C2CD2: variants seen among roughly 807,000 people sequenced by gnomAD.
C2CD2 encodes the protein C2 domain-containing protein 2.
A neutral mutation model predicts 74.3 loss-of-function variants in C2CD2; 43 were observed. That is an observed-to-expected ratio of 0.58 (90% CI 0.45 to 0.75). The LOEUF is 0.75. Among genes scored for constraint, C2CD2 ranks in the 30% least tolerant of loss-of-function variants. The probability of loss-of-function intolerance (pLI) is 0.00; values close to 1 mark genes in which losing one functional copy is unlikely to be tolerated. For synonymous variants in C2CD2, 422 were observed against 390.7 expected (o/e 1.08, Z -0.94); for missense variants, 801 against 916.3 (o/e 0.87, Z 1.63).
chr21:41,911,108 CT>C (rs1569065737), intron 7 of C2CD2, among the ~76,000 whole-genome samples: 2 of 152,022 alleles, frequency 1.3e-5, no homozygotes, highest in Non-Finnish European at 2.9e-5. Context: ...AAATTTTGCT[CT>C]AATTAAGTTT....
At chr21:41,908,241 A>AG (rs1466628336) in intron 8 of C2CD2, 20 of 61,508 alleles carry the variant, frequency 3.3e-4, no homozygotes, top group African/African-American at 2.1e-3. Context: ...TTTACCCTCA[A>AG]GTTGTGTGTG....
chr21:41,936,574 G>A (rs35013385), intron 2 of C2CD2, among the ~76,000 whole-genome samples: 33,745 of 152,010 alleles, frequency 0.22, 4,856 homozygotes, highest in Non-Finnish European at 0.32. Context: ...ATATGATCCA[G>A]CAGTCCCACT....
chr21:41,898,998 T>A, intron 13 of C2CD2, 55 bp downstream of exon 13: 1 of 1,355,234 alleles, frequency 7.4e-7, no homozygotes. Flanking sequence ...GAAGCCAGCA[T>A]GAGCGCAAAG....
At position 41,888,572 on chromosome 21, in the gene C2CD2, T is replaced by C. The variant is rs552135361; in HGVS notation, c.*552A>G. ...GTAGCGTCTCCATTCTTATCAAAAT[T>C]TCTCTATTAATCCAAAATCCTGCCT... is the stretch of plus-strand genomic sequence containing the variant. On this transcript the variant is annotated 3_prime_UTR_variant, in exon 14 of 14. Transcript: ENST00000380486. The C allele has an allele frequency of 1.3e-4, 20 of 158,748 alleles. No homozygotes were observed. The East Asian group carries it at 3.5e-3, about 28-fold the overall frequency. The allele number at this position is 158,748 out of a possible 1,614,324, so 9.8% of individuals were successfully genotyped here.
In C2CD2 at chr21:41,926,092, TCCTCAGAGGACAGGAGTGAACC is replaced by T. The variant is rs1313668081; in HGVS notation, c.379-4029_379-4008del. 1.3e-5 allele frequency among the ~76,000 whole-genome samples: 2 copies of T among 152,160 alleles called. No individual in the cohort carries two copies. Among genetic ancestry groups the T allele is most frequent in the African/African-American group, 4.8e-5 (2 of 41,438 alleles). ...GGCATAGGCGGCAGTGACAGTGAAC[TCCTCAGAGGACAGGAGTGAACC>T]CCCAGCCCCAGGGAAGAACTCCACA... On this transcript the variant is annotated intron_variant, in intron 2 of 13. Transcript: ENST00000380486. The surrounding 1 kb of genome is among the most constrained non-coding windows in gnomAD (Gnocchi z 8.0).
Position 41,924,111 on chromosome 21 carries a change from T to TA in C2CD2, c.379-2027dup, listed in dbSNP as rs2065183895. Among the ~76,000 whole-genome samples, 1 of 152,250 alleles carries TA rather than the reference T, an allele frequency of 6.6e-6. No individual in the cohort carries two copies. The highest frequency in any genetic ancestry group is 2.4e-5 in the African/African-American group (1 of 41,472). ...AAATTCTTTAATTCTCTGGTGGATT[T>TA]ATCAGAATCTAAAATACCAAATGGA... On this transcript the variant is annotated intron_variant, in intron 2 of 13. Coordinates refer to ENST00000380486, the MANE Select transcript of C2CD2 (RefSeq NM_015500.2). The surrounding 1 kb of genome is among the most constrained non-coding windows in gnomAD (Gnocchi z 4.4).
At chr21:41,920,751 A>G (rs2065146641) in intron 3 of C2CD2, among the ~76,000 whole-genome samples, 1 of 152,206 alleles carries the variant, frequency 6.6e-6, no homozygotes, top group Non-Finnish European at 1.5e-5. Context: ...TCAAAGATAC[A>G]ATTGTGTTCC....
chr21:41,907,122 A>AG lies in C2CD2; in HGVS notation c.1187dup (p.Pro397SerfsTer44). 1 of 1,613,278 alleles carries AG rather than the reference A, an allele frequency of 6.2e-7. No individual in the cohort carries two copies. The highest frequency in any genetic ancestry group is 8.5e-7 in the Non-Finnish European group (1 of 1,179,262). On this transcript the variant is annotated frameshift_variant, in exon 10 of 14. Coordinates refer to ENST00000380486, the MANE Select transcript of C2CD2 (RefSeq NM_015500.2). LOFTEE classifies it high-confidence loss of function. ...CTATTTTTGCAGCAGGAACAGGGGG[A>AG]GGGATGGGCCAGGATTTCAATTCAC...
chr21:41,892,237 C>T lies in C2CD2; in HGVS notation c.1871-2893G>A, dbSNP rs944063378. On this transcript the variant is annotated intron_variant, in intron 13 of 13. Coordinates refer to ENST00000380486, the MANE Select transcript of C2CD2 (RefSeq NM_015500.2). The surrounding 1 kb of genome is among the most constrained non-coding windows in gnomAD (Gnocchi z 4.6). ...GATGAAGGCAGAGCACAGGGTGATG[C>T]TTCTACAAGCCAAGGAACACCAAAG... Among the ~76,000 whole-genome samples the T allele has an allele frequency of 6.6e-6, 1 of 152,120 alleles. No homozygotes were observed. The highest frequency in any genetic ancestry group is 1.5e-5 in the Non-Finnish European group (1 of 68,018).
intron 3 of C2CD2, among the ~76,000 whole-genome samples, chr21:41,919,766 G>T (rs1408130346): frequency 6.6e-6 from 1 of 152,182 alleles, no homozygotes. Context: ...GTCCATTTGG[G>T]AGACAGAACA....
At chr21:41,905,940 C>T in intron 10 of C2CD2, 103 bp from the exon 11 acceptor site, 1 of 741,428 alleles carries the variant, frequency 1.3e-6, no homozygotes, top group Non-Finnish European at 2.4e-6. Context: ...CTGGTGTGTG[C>T]AGTTGGTAAA....
Position 41,953,791 on chromosome 21 carries a change from G to T in C2CD2, c.-143C>A. On this transcript the variant is annotated 5_prime_UTR_variant, in exon 1 of 14. Transcript: ENST00000380486. Reference sequence around the variant, plus strand: ...GGGGTCGGAGCCCGGCGAGGAGCGTGGCCGGGGGCCTCTGGGCGGGCAAGC... The same window carrying T: ...GGGGTCGGAGCCCGGCGAGGAGCGTTGCCGGGGGCCTCTGGGCGGGCAAGC... 1.4e-6 allele frequency: 1 copy of T among 720,228 alleles called. No homozygotes were observed. Among genetic ancestry groups the T allele is most frequent in the Non-Finnish European group, 1.9e-6 (1 of 532,402 alleles). The allele number at this position is 720,228 out of a possible 1,614,324, so 44.6% of individuals were successfully genotyped here.
In C2CD2 at chr21:41,903,278, C is replaced by G. The variant is rs1002447447; in HGVS notation, c.1433-1529G>C. On this transcript the variant is annotated intron_variant, in intron 11 of 13. Coordinates refer to ENST00000380486, the MANE Select transcript of C2CD2 (RefSeq NM_015500.2). This position sits in a 1 kb window ranked among gnomAD's most constrained non-coding sequence, Gnocchi z 4.5. Reference sequence around the variant, plus strand: ...TTCTGTGAGCCATTATAGCAAATTACGGAACCCGAGGAGTGTGTCATGGAA... The same window carrying G: ...TTCTGTGAGCCATTATAGCAAATTAGGGAACCCGAGGAGTGTGTCATGGAA... Among the ~76,000 whole-genome samples, 2 of 152,100 alleles carry G rather than the reference C, an allele frequency of 1.3e-5. No individual in the cohort carries two copies. The highest frequency in any genetic ancestry group is 6.5e-5 in the Admixed American group (1 of 15,272).
intron 3 of C2CD2, among the ~76,000 whole-genome samples, chr21:41,920,909 A>G (rs944122929): frequency 6.6e-5 from 10 of 152,216 alleles, no homozygotes; most frequent in African/African-American, 2.4e-4. Context: ...TATGACCCAG[A>G]CTTTGCAGGT....
intron 8 of C2CD2, chr21:41,908,262 T>TGTGTGTGTGTGTGTGTGTGG: frequency 5.5e-6 from 1 of 180,404 alleles, no homozygotes; most frequent in Non-Finnish European, 1.1e-5. Context: ...TGTGTGTGTG[T>TGTGTGTGTGTGTGTGTGTGG]AAAAGAAAAT....
chr21:41,923,669 A>C lies in C2CD2; in HGVS notation c.379-1584T>G, dbSNP rs1312785881. ...AGAGAAAGATAATAACCTCAGGAAT[A>C]AACCAAACTGTGGTTTCCTGACATA... On this transcript the variant is annotated intron_variant, in intron 2 of 13. Transcript: ENST00000380486. This position sits in a 1 kb window ranked among gnomAD's most constrained non-coding sequence, Gnocchi z 5.8. 6.6e-6 allele frequency among the ~76,000 whole-genome samples: 1 copy of C among 152,230 alleles called. No individual in the cohort carries two copies. The highest frequency in any genetic ancestry group is 6.5e-5 in the Admixed American group (1 of 15,290).
chr21:41,922,021 C>A lies in C2CD2; in HGVS notation c.443G>T (p.Gly148Val). Residue 148 changes from glycine (G) to valine (V), a missense_variant, in exon 3 of 14, where the codon GGT (glycine) becomes GTT (valine). Physicochemically the swap from Gly to Val is moderately radical, Grantham distance 109. Transcript: ENST00000380486. ...CATGTCGTACAGCCGGCATCCAGCA[C>A]CCAAGGCAGGCGTCTCGCTGACCAA... The part of the protein sequence containing the change: ...QFLVSETPAL[G>V]AGCRLYDMRL... 1 of 1,614,156 alleles carries A rather than the reference C, an allele frequency of 6.2e-7. No individual in the cohort carries two copies. Among genetic ancestry groups the A allele is most frequent in the Non-Finnish European group, 8.5e-7 (1 of 1,179,982 alleles).
chr21:41,929,572 TG>T lies in C2CD2; in HGVS notation c.379-7488del, dbSNP rs1451906104. Among the ~76,000 whole-genome samples, 5 of 152,282 alleles carry T rather than the reference TG, an allele frequency of 3.3e-5. No homozygotes were observed. The highest frequency in any genetic ancestry group is 7.4e-5 in the Non-Finnish European group (5 of 68,008). Reference sequence around the variant, plus strand: ...GAGATGGGCCTTTCCCCAGACTAGGTGGGTTATAACTTTTATTTAAAACTTT... The same window carrying T: ...GAGATGGGCCTTTCCCCAGACTAGGTGGTTATAACTTTTATTTAAAACTTT... On this transcript the variant is annotated intron_variant, in intron 2 of 13. Coordinates refer to ENST00000380486, the MANE Select transcript of C2CD2 (RefSeq NM_015500.2). The surrounding 1 kb of genome is among the most constrained non-coding windows in gnomAD (Gnocchi z 4.6).
chr21:41,938,558 TC>T (rs1244439817), intron 2 of C2CD2, among the ~76,000 whole-genome samples: 2 of 151,968 alleles, frequency 1.3e-5, no homozygotes, highest in African/African-American at 4.8e-5. Flanking sequence ...CTCCCCGCTT[TC>T]CTCCCCCAAG....
Sources: allele counts gnomAD v4.1 joint callset (sites outside exome capture counted in the v4.1 genomes callset), GRCh38; gene constraint gnomAD v4.1.1; non-coding constraint Gnocchi (gnomAD v3.1); transcripts MANE v1.5; gene names NCBI Gene and HGNC (gene_info 2026-07-23, HGNC 2026-07-21).